Variants in ABCA12 observed in about 807,000 individuals in gnomAD.
The protein encoded by ABCA12 is glucosylceramide transporter ABCA12.
A neutral mutation model predicts 293.5 loss-of-function variants in ABCA12; 156 were observed. The observed-to-expected ratio is 0.53, with a 90% CI of 0.47 to 0.61. ABCA12 has a LOEUF of 0.61. ABCA12 is among the 20% of genes least tolerant of loss of function. ABCA12 has a pLI of 0.00. For missense variants in ABCA12, 2,797 were observed against 3,090.2 expected, an observed-to-expected ratio of 0.91 and a Z score of 2.25; for synonymous variants, 1,063 against 1,108.0, an observed-to-expected ratio of 0.96 and a Z score of 0.81.
rs1324769717 is a variant in ABCA12, at chr2:215,026,888, T to C, written c.1112A>G (p.Asn371Ser). The C allele has an allele frequency of 6.2e-7, 1 of 1,613,634 alleles. No individual in the cohort carries two copies. Among genetic ancestry groups the C allele is most frequent in the East Asian group, 2.2e-5 (1 of 44,868 alleles). Reference protein sequence around the residue: ...FEDALLNISANSPYIPYLACV... With the variant: ...FEDALLNISASSPYIPYLACV... Reference sequence around the variant, plus strand: ...TGCCAAGTAAGGAATATAAGGACTATTTGCTGATATATTTAAGAGGGCATC... The same window carrying C: ...TGCCAAGTAAGGAATATAAGGACTACTTGCTGATATATTTAAGAGGGCATC... The change falls in exon 10 of 53, where the codon AAT (asparagine) becomes AGT (serine). Residue 371 changes from asparagine to serine, a missense_variant. Asn to Ser is a conservative substitution (Grantham distance 46, BLOSUM62 1). Around this residue, in one of 3 missense-constraint regions of ABCA12, gnomAD observed 656 missense variants for 638.2 expected, o/e 1.03. Transcript: ENST00000272895.
In ABCA12 at chr2:214,952,346, G is replaced by A. The variant is rs75604689; in HGVS notation, c.6648-1263C>T. The stretch of plus-strand genomic sequence containing the variant: ...AGCAATTCTCGTGCCTCAGCCTCCC[G>A]AGTAGCTGGGATTACAGGTGCGTGC... On this transcript the variant is annotated intron_variant, in intron 44 of 52. Coordinates refer to ENST00000272895, the MANE Select transcript of ABCA12 (RefSeq NM_173076.3). Among the ~76,000 whole-genome samples, 299 of 151,660 alleles carry A rather than the reference G, an allele frequency of 2.0e-3. 2 individuals carry two copies. Among genetic ancestry groups the A allele is most frequent in the East Asian group, 0.013 (68 of 5,124 alleles).
intron 1 of ABCA12, among the ~76,000 whole-genome samples, chr2:215,135,018 A>C (rs1703180502): frequency 6.6e-6 from 1 of 152,072 alleles, no homozygotes; most frequent in Non-Finnish European, 1.5e-5. Context: ...GCTGGAGTGC[A>C]GTGGCACAAT....
chr2:214,967,487 G>T (rs1014662302), intron 38 of ABCA12, among the ~76,000 whole-genome samples: 12 of 152,126 alleles, frequency 7.9e-5, no homozygotes, highest in Non-Finnish European at 1.8e-4. Context: ...TAAACAGAGA[G>T]ATTTAATATA....
At chr2:215,069,326 A>G (rs4673937) in intron 2 of ABCA12, among the ~76,000 whole-genome samples, 58,615 of 151,876 alleles carry the variant, frequency 0.39, 11,565 homozygotes, top group South Asian at 0.56. Flanking sequence ...AAGCACCACA[A>G]CAGGGACTTA....
intron 31 of ABCA12, among the ~76,000 whole-genome samples, chr2:214,979,889 G>A (rs977205495): frequency 6.6e-6 from 1 of 152,150 alleles, no homozygotes; most frequent in Non-Finnish European, 1.5e-5. Context: ...TATACATCTT[G>A]CACAGTATTT....
intron 2 of ABCA12, among the ~76,000 whole-genome samples, chr2:215,071,608 G>A (rs1030014830): frequency 6.6e-6 from 1 of 152,092 alleles, no homozygotes; most frequent in East Asian, 1.9e-4. Flanking sequence ...ATTAACCTAG[G>A]ACTCTATTTC....
chr2:215,065,849 T>A (rs945475596), intron 2 of ABCA12, among the ~76,000 whole-genome samples: 2 of 151,976 alleles, frequency 1.3e-5, no homozygotes, highest in African/African-American at 4.8e-5. Context: ...AAAAAAATAG[T>A]TTAAAAATTA....
At chr2:214,974,230 G>C (rs950556747) in intron 35 of ABCA12, among the ~76,000 whole-genome samples, 188 bp from the exon 36 acceptor site, 28 of 152,198 alleles carry the variant, frequency 1.8e-4, no homozygotes, top group Non-Finnish European at 1.5e-5. Flanking sequence ...TGTGATGGGG[G>C]ACAAGGGAGA....
intron 8 of ABCA12, among the ~76,000 whole-genome samples, chr2:215,033,156 G>T (rs1700915966): frequency 6.6e-6 from 1 of 152,160 alleles, no homozygotes; most frequent in Non-Finnish European, 1.5e-5. Context: ...TAACAGTAAT[G>T]CATCAGTGAG....
At chr2:215,052,389 A>G in intron 5 of ABCA12, 98 bp downstream of exon 5, 1 of 995,426 alleles carries the variant, frequency 1.0e-6, no homozygotes, top group South Asian at 1.3e-5. Context: ...CTAAATAGGA[A>G]AGGTGCTCCA....
chr2:214,976,127 CA>C, intron 33 of ABCA12, 90 bp from the exon 34 acceptor site: 1 of 1,520,366 alleles, frequency 6.6e-7, no homozygotes, highest in Non-Finnish European at 9.0e-7. Context: ...TGGTATAATA[CA>C]CTGTGGTGGG....
At chr2:215,058,903 G>A (rs979843256) in intron 3 of ABCA12, among the ~76,000 whole-genome samples, 2 of 152,050 alleles carry the variant, frequency 1.3e-5, no homozygotes, top group African/African-American at 2.4e-5. Context: ...CAATAGTTAC[G>A]TTCAGGAAAT....
chr2:214,973,909 C>G, intron 36 of ABCA12, 40 bp downstream of exon 36: 1 of 1,511,934 alleles, frequency 6.6e-7, no homozygotes, highest in South Asian at 1.1e-5. Context: ...TATTTATTCC[C>G]GTATTTTTCC....
intron 1 of ABCA12, among the ~76,000 whole-genome samples, chr2:215,133,689 G>C (rs1371715016): frequency 6.6e-6 from 1 of 152,030 alleles, no homozygotes; most frequent in East Asian, 1.9e-4. Flanking sequence ...ATTTCTATTA[G>C]TACTTAATGT....
chr2:215,021,695 G>C (rs139729213), intron 11 of ABCA12, among the ~76,000 whole-genome samples: 12 of 152,224 alleles, frequency 7.9e-5, no homozygotes, highest in African/African-American at 2.6e-4. Flanking sequence ...GTATTTTATG[G>C]TACCGGCAAA....
chr2:215,065,311 A>T (rs1398254843), intron 2 of ABCA12, among the ~76,000 whole-genome samples: 1 of 149,424 alleles, frequency 6.7e-6, no homozygotes, highest in African/African-American at 2.4e-5. Flanking sequence ...AAAAAAAAAA[A>T]AAAAAAAAAA....
chr2:214,941,517 T>C (rs1231699906), intron 50 of ABCA12, among the ~76,000 whole-genome samples: 3 of 152,150 alleles, frequency 2.0e-5, no homozygotes, highest in African/African-American at 7.2e-5. Flanking sequence ...TAATTTCCTG[T>C]CTTGTTGATC....
intron 20 of ABCA12, among the ~76,000 whole-genome samples, chr2:215,003,077 A>G (rs773725670): frequency 5.3e-5 from 8 of 152,194 alleles, no homozygotes; most frequent in Non-Finnish European, 8.8e-5. Flanking sequence ...GTGTACAATC[A>G]TATACAATAC....
intron 18 of ABCA12, among the ~76,000 whole-genome samples, chr2:215,008,915 G>C (rs1396949137): frequency 1.3e-5 from 2 of 152,104 alleles, no homozygotes; most frequent in Non-Finnish European, 2.9e-5. Flanking sequence ...AGACAGTGTA[G>C]CAATTCCTCA....
Sources: gnomAD v4.1 joint callset for allele counts (sites outside exome capture counted in the v4.1 genomes callset) on GRCh38, gnomAD v4.1.1 for gene constraint, gnomAD v4.1.1 regional missense constraint, MANE v1.5 for transcripts, NCBI Gene and HGNC (gene_info 2026-07-23, HGNC 2026-07-21) for gene names.